SNTG1: variants seen among roughly 807,000 people sequenced by gnomAD.
SNTG1 encodes syntrophin gamma 1.
A neutral mutation model predicts 74.7 loss-of-function variants in SNTG1; 39 were observed. The ratio of observed to expected loss-of-function variants is 0.52; its 90% CI spans 0.40 to 0.68. The LOEUF (loss-of-function observed/expected upper bound fraction) is 0.68, where lower values mean the gene tolerates loss of function less well. SNTG1 is among the 30% of genes least tolerant of loss of function. SNTG1 has a pLI of 0.00. For missense variants in SNTG1, 685 were observed against 609.5 expected, an observed-to-expected ratio of 1.12 and a Z score of -1.30; for synonymous variants, 254 against 217.1, an observed-to-expected ratio of 1.17 and a Z score of -1.49.
intron 8 of SNTG1, among the ~76,000 whole-genome samples, chr8:50,469,858 A>G (rs1389940016): frequency 6.6e-6 from 1 of 152,136 alleles, no homozygotes; most frequent in Non-Finnish European, 1.5e-5. Context: ...GTATGTCTAT[A>G]ATCCCAGCTA....
chr8:50,780,945 C>T (rs2095657502), intron 18 of SNTG1, among the ~76,000 whole-genome samples: 1 of 152,194 alleles, frequency 6.6e-6, no homozygotes. Flanking sequence ...TTATTTCTGC[C>T]TTTATTTCAT....
chr8:50,662,381 T>C (rs554380381), intron 15 of SNTG1, among the ~76,000 whole-genome samples: 1 of 152,340 alleles, frequency 6.6e-6, no homozygotes, highest in African/African-American at 2.4e-5. Context: ...GTTTATCTGG[T>C]ACATATAGTT....
intron 1 of SNTG1, among the ~76,000 whole-genome samples, chr8:50,021,322 T>C (rs1042697099): frequency 3.9e-5 from 6 of 152,240 alleles, no homozygotes; most frequent in Admixed American, 2.6e-4. Flanking sequence ...TTTACTCTTG[T>C]TTGTTTTGCT....
chr8:50,137,531 G>C (rs1160541118), intron 1 of SNTG1, among the ~76,000 whole-genome samples: 1 of 152,216 alleles, frequency 6.6e-6, no homozygotes, highest in East Asian at 1.9e-4. Flanking sequence ...CACTCATTAA[G>C]TAAATGCGTA....
rs531857956 is a variant in SNTG1 at position 50,536,793 on chromosome 8, G to A, written c.665G>A (p.Gly222Asp). Residue 222 changes from glycine to aspartate, a missense_variant, in exon 11 of 19, where the codon GGC becomes GAC. Transcript: ENST00000642720. ...TCGCGCTTCTCTCAGTATGTGCCCG[G>A]CACAGATTTGAGTCGGTGAGTCCGT... The part of the protein sequence containing the change: ...LHSRFSQYVP[G>D]TDLSRQNAFQ... The A allele has an allele frequency of 6.2e-7, 1 of 1,613,944 alleles. No individual in the cohort carries two copies. The highest frequency in any genetic ancestry group is 8.5e-7 in the Non-Finnish European group (1 of 1,179,828).
intron 2 of SNTG1, among the ~76,000 whole-genome samples, chr8:50,296,173 T>C (rs1395697781): frequency 9.9e-5 from 15 of 152,062 alleles, no homozygotes; most frequent in Non-Finnish European, 1.9e-4. Context: ...CAGGCTACAA[T>C]TGAAAAAACA....
chr8:50,110,728 G>C (rs956732519), intron 1 of SNTG1, among the ~76,000 whole-genome samples: 2 of 151,968 alleles, frequency 1.3e-5, no homozygotes, highest in African/African-American at 4.8e-5. Context: ...CTGTCTTGCA[G>C]TTACTACTCA....
At chr8:50,776,682 A>G (rs1472107916) in intron 18 of SNTG1, among the ~76,000 whole-genome samples, 1 of 151,678 alleles carries the variant, frequency 6.6e-6, no homozygotes, top group African/African-American at 2.4e-5. Flanking sequence ...TTTTCTTACC[A>G]TATTCTTTCT....
intron 1 of SNTG1, among the ~76,000 whole-genome samples, chr8:49,963,803 A>C (rs947229925): frequency 6.6e-6 from 1 of 152,244 alleles, no homozygotes; most frequent in Non-Finnish European, 1.5e-5. Context: ...AGAACTTCAC[A>C]GAGACTTCAT....
intron 8 of SNTG1, among the ~76,000 whole-genome samples, chr8:50,462,362 C>T (rs1587706636): frequency 7.0e-6 from 1 of 143,686 alleles, no homozygotes; most frequent in Admixed American, 7.1e-5. Flanking sequence ...TATCTTAGCT[C>T]TCAGTGAGTC....
At chr8:50,547,457 C>T (rs780766842) in intron 11 of SNTG1, among the ~76,000 whole-genome samples, 21 of 152,094 alleles carry the variant, frequency 1.4e-4, no homozygotes, top group Non-Finnish European at 2.6e-4. Flanking sequence ...TTGGAAAAGT[C>T]CACTCTTCCT....
Position 50,435,403 on chromosome 8 carries a change from C to T in SNTG1, c.163-3140C>T, listed in dbSNP as rs2093290844. The stretch of plus-strand genomic sequence containing the variant: ...ACTCATGATGTGTTAACTAAATATA[C>T]TTTCAGATCAGCTTCCAGATATTGT... On this transcript the variant is annotated intron_variant, in intron 4 of 18. Coordinates refer to ENST00000642720, the MANE Select transcript of SNTG1 (RefSeq NM_018967.5). Among the ~76,000 whole-genome samples, 4 of 152,156 alleles carry T rather than the reference C, an allele frequency of 2.6e-5. No homozygotes were observed. In the South Asian group the frequency reaches 8.3e-4, roughly 31 times the overall value.
At chr8:50,313,018 C>T (rs2090175849) in intron 2 of SNTG1, among the ~76,000 whole-genome samples, 1 of 149,536 alleles carries the variant, frequency 6.7e-6, no homozygotes, top group South Asian at 2.3e-4. Flanking sequence ...CAATCCCCAT[C>T]AAAATTCCAT....
At chr8:50,422,231 C>T (rs1020381014) in intron 4 of SNTG1, among the ~76,000 whole-genome samples, 2 of 144,488 alleles carry the variant, frequency 1.4e-5, no homozygotes, top group Admixed American at 1.4e-4. Context: ...TTTGAATTTC[C>T]TTCAACAGCG....
intron 9 of SNTG1, among the ~76,000 whole-genome samples, chr8:50,520,503 C>A (rs1039302365): frequency 1.3e-5 from 2 of 152,012 alleles, no homozygotes; most frequent in South Asian, 2.1e-4. Context: ...AGTGAACAGG[C>A]AACCTACAGA....
intron 18 of SNTG1, among the ~76,000 whole-genome samples, chr8:50,761,561 CT>C (rs1304409593): frequency 6.6e-6 from 1 of 151,118 alleles, no homozygotes; most frequent in African/African-American, 2.4e-5. Flanking sequence ...CCTAGTTTCT[CT>C]TGAGGGCAGG....
intron 1 of SNTG1, among the ~76,000 whole-genome samples, chr8:49,940,581 A>T (rs1399879974): frequency 2.0e-5 from 3 of 152,150 alleles, no homozygotes; most frequent in African/African-American, 7.2e-5. Flanking sequence ...GCTCAAGGAG[A>T]GACAATGTGT....
At chr8:50,264,603 A>T (rs1383942258) in intron 2 of SNTG1, among the ~76,000 whole-genome samples, 1 of 151,460 alleles carries the variant, frequency 6.6e-6, no homozygotes, top group Non-Finnish European at 1.5e-5. Context: ...GAAACCAGAA[A>T]AATGAAAGTA....
rs186393214 is a variant in SNTG1, at chr8:50,091,305, T to A, written c.-102-81256T>A. Among the ~76,000 whole-genome samples the A allele has an allele frequency of 4.6e-3, 704 of 152,110 alleles. 5 individuals carry two copies. Among genetic ancestry groups the A allele is most frequent in the African/African-American group, 0.016 (663 of 41,522 alleles). On this transcript the variant is annotated intron_variant, in intron 1 of 18. Transcript: ENST00000642720. Reference sequence around the variant, plus strand: ...TTTTTCTTTTTAATGTTTGTGCGTGTGGTAAGAGCACCTGAAATCTACTCT... The same window carrying A: ...TTTTTCTTTTTAATGTTTGTGCGTGAGGTAAGAGCACCTGAAATCTACTCT...
Sources: allele counts gnomAD v4.1 joint callset (sites outside exome capture counted in the v4.1 genomes callset), GRCh38; gene constraint gnomAD v4.1.1; transcripts MANE v1.5; gene names NCBI Gene and HGNC (gene_info 2026-07-23, HGNC 2026-07-21).